RALGPS1: variants seen among roughly 807,000 people sequenced by gnomAD.
The protein encoded by RALGPS1 is Ral GEF with PH domain and SH3 binding motif 1, also known as ras-specific guanine nucleotide-releasing factor RalGPS1.
Under a neutral mutation model 78.8 loss-of-function variants are expected in RALGPS1, and 19 were observed. That is an observed-to-expected ratio of 0.24 (90% CI 0.17 to 0.35). RALGPS1 has a LOEUF of 0.35. Among genes scored for constraint, RALGPS1 ranks in the 10% least tolerant of loss-of-function variants. RALGPS1 has a pLI of 1.00. For missense variants in RALGPS1, 454 were observed against 688.3 expected, an observed-to-expected ratio of 0.66 and a Z score of 3.81; for synonymous variants, 228 against 256.3, an observed-to-expected ratio of 0.89 and a Z score of 1.06.
intron 7 of RALGPS1, among the ~76,000 whole-genome samples, chr9:127,059,324 G>A (rs2049005738): frequency 6.6e-6 from 1 of 152,108 alleles, no homozygotes; most frequent in Non-Finnish European, 1.5e-5. Flanking sequence ...GGAGATAGAT[G>A]CAGAGGAAAC....
chr9:127,075,811 C>T (rs919925511), intron 8 of RALGPS1, among the ~76,000 whole-genome samples: 1 of 152,184 alleles, frequency 6.6e-6, no homozygotes, highest in South Asian at 2.1e-4. Context: ...TCTTTTAACC[C>T]TCTGTGGAAG....
rs139799724 is a variant in RALGPS1, at chr9:127,108,418, G to A, written c.610+39062G>A. The A allele has an allele frequency of 1.1e-4, 173 of 1,607,948 alleles. No individual in the cohort carries two copies. Among genetic ancestry groups the A allele is most frequent in the Non-Finnish European group, 1.3e-4 (156 of 1,178,526 alleles). On this transcript the variant is annotated intron_variant, in intron 8 of 18. Transcript: ENST00000259351. ...GTCCACCTCCACCAGCTGCTGCAGC[G>A]TCTCGATCTGCCGCTTCTGCTTGAG... is the stretch of plus-strand genomic sequence containing the variant.
intron 1 of RALGPS1, among the ~76,000 whole-genome samples, chr9:126,956,516 G>A (rs1181977021): frequency 1.3e-5 from 2 of 152,150 alleles, no homozygotes; most frequent in African/African-American, 4.8e-5. Flanking sequence ...TTCCTTCTAG[G>A]TCAGACCTCC....
intron 11 of RALGPS1, among the ~76,000 whole-genome samples, chr9:127,176,133 G>A (rs540207616): frequency 3.9e-4 from 59 of 152,274 alleles, no homozygotes; most frequent in Non-Finnish European, 4.4e-5. Flanking sequence ...GATTCTCGGG[G>A]TCTCCGGAAA....
intron 11 of RALGPS1, among the ~76,000 whole-genome samples, chr9:127,193,747 C>G (rs1314624010): frequency 6.6e-6 from 1 of 152,082 alleles, no homozygotes; most frequent in Non-Finnish European, 1.5e-5. Context: ...TGGGTCCCCC[C>G]AAGAAAGTTC....
intron 7 of RALGPS1, among the ~76,000 whole-genome samples, chr9:127,054,107 G>A (rs1347181656): frequency 6.6e-6 from 1 of 152,198 alleles, no homozygotes; most frequent in African/African-American, 2.4e-5. Context: ...AGCTCTGTTT[G>A]TATCAGTTTT....
At chr9:127,108,463 T>C in intron 8 of RALGPS1, 10 of 1,611,830 alleles carry the variant, frequency 6.2e-6, no homozygotes, top group Non-Finnish European at 8.5e-6. Flanking sequence ...GTTGAGCAGC[T>C]CTAGCTCCTG....
intron 1 of RALGPS1, among the ~76,000 whole-genome samples, chr9:126,937,766 C>G (rs2036397602): frequency 6.6e-6 from 1 of 152,164 alleles, no homozygotes; most frequent in Non-Finnish European, 1.5e-5. Context: ...ATGTGCATCT[C>G]CTTGAGTAGA....
intron 8 of RALGPS1, among the ~76,000 whole-genome samples, chr9:127,078,765 T>C (rs369192518): frequency 1.2e-4 from 19 of 152,340 alleles, no homozygotes; most frequent in African/African-American, 4.1e-4. Context: ...AAAAGTGTTT[T>C]CATGGTAGGA....
intron 1 of RALGPS1, among the ~76,000 whole-genome samples, chr9:126,960,186 C>CCCTCCCTT (rs1167495510): frequency 1.2e-5 from 1 of 86,884 alleles, no homozygotes; most frequent in Non-Finnish European, 2.3e-5. Context: ...CTCCCTCCCT[C>CCCTCCCTT]CCTCCCTTCC....
rs538440944 is a variant in RALGPS1, at chr9:127,219,066, C to T, written c.*297C>T. 11 of 479,656 alleles carry T rather than the reference C, an allele frequency of 2.3e-5. No individual in the cohort carries two copies. The highest frequency in any genetic ancestry group is 1.1e-4 in the South Asian group (5 of 47,092). 29.7% of individuals were successfully genotyped at this position (479,656 alleles called of 1,614,324 possible). A position where few individuals can be genotyped will look rare whatever the true frequency, so the allele number is the denominator to read the frequency against. On this transcript the variant is annotated 3_prime_UTR_variant, in exon 19 of 19. Transcript: ENST00000259351. This position sits in a 1 kb window ranked among gnomAD's most constrained non-coding sequence, Gnocchi z 5.0. ...CCTGCATCTGCGACTAGAGAGCACC[C>T]GGCCCACGTTGGGTTCTCAGTGCTT...
chr9:126,958,085 T>C (rs1191853704), intron 1 of RALGPS1, among the ~76,000 whole-genome samples: 2 of 146,770 alleles, frequency 1.4e-5, no homozygotes, highest in Non-Finnish European at 3.0e-5. Context: ...GAGCTATGAT[T>C]GCAGCACTGC....
At chr9:127,050,778 A>G (rs1008386067) in intron 6 of RALGPS1, among the ~76,000 whole-genome samples, 21 of 152,108 alleles carry the variant, frequency 1.4e-4, no homozygotes, top group African/African-American at 4.8e-4. Flanking sequence ...CACTGGTTTC[A>G]ACCACCCAGG....
At chr9:127,032,126 G>A (rs1201990701) in intron 4 of RALGPS1, among the ~76,000 whole-genome samples, 1 of 152,178 alleles carries the variant, frequency 6.6e-6, no homozygotes, top group Non-Finnish European at 1.5e-5. Flanking sequence ...CGTGCTAGGT[G>A]CTTTGCATGT....
At chr9:126,916,341 G>A (rs1207960191) in intron 1 of RALGPS1, among the ~76,000 whole-genome samples, 1 of 152,216 alleles carries the variant, frequency 6.6e-6, no homozygotes, top group Non-Finnish European at 1.5e-5. Flanking sequence ...AACGCAGGGA[G>A]CAGTGGCAAG....
chr9:127,131,892 A>G (rs1028707582), intron 8 of RALGPS1, among the ~76,000 whole-genome samples: 6 of 152,182 alleles, frequency 3.9e-5, no homozygotes, highest in African/African-American at 9.7e-5. Context: ...TTCAAGATCA[A>G]CTGAGGGCTT....
At chr9:127,010,804 G>A (rs1018701344) in intron 4 of RALGPS1, among the ~76,000 whole-genome samples, 2 of 152,202 alleles carry the variant, frequency 1.3e-5, no homozygotes, top group Non-Finnish European at 2.9e-5. Context: ...GGTCAGATGT[G>A]GGGACACTTG....
chr9:127,055,208 A>ATCTGTCTGTCTG (rs1554809728), intron 7 of RALGPS1, among the ~76,000 whole-genome samples: 9 of 91,974 alleles, frequency 9.8e-5, no homozygotes, highest in African/African-American at 3.9e-4. Context: ...TTTTCTATCT[A>ATCTGTCTGTCTG]TCTATCTGTC....
chr9:127,134,261 A>G (rs927488496), intron 8 of RALGPS1, among the ~76,000 whole-genome samples: 1 of 152,164 alleles, frequency 6.6e-6, no homozygotes, highest in African/African-American at 2.4e-5. Context: ...CACCTCTGAT[A>G]AGCAGCAGAT....
Sources: gnomAD v4.1 joint callset for allele counts (sites outside exome capture counted in the v4.1 genomes callset) on GRCh38, gnomAD v4.1.1 for gene constraint, Gnocchi (gnomAD v3.1) non-coding constraint, MANE v1.5 for transcripts, NCBI Gene and HGNC (gene_info 2026-07-23, HGNC 2026-07-21) for gene names.